Variants in CPAMD8 observed in about 807,000 individuals in gnomAD.
The protein encoded by CPAMD8 is C3 and PZP-like alpha-2-macroglobulin domain-containing protein 8.
A neutral mutation model predicts 224.7 loss-of-function variants in CPAMD8; 146 were observed. The observed-to-expected ratio is 0.65, with a 90% CI of 0.57 to 0.75. The LOEUF (loss-of-function observed/expected upper bound fraction) is 0.75. Ranked by LOEUF, CPAMD8 falls within the 30% of genes least tolerant of loss-of-function variation. The pLI, the probability that CPAMD8 is intolerant of heterozygous loss-of-function variation, is 0.00. For synonymous variants in CPAMD8, 966 were observed against 1,044.6 expected (o/e 0.92, Z 1.45); for missense variants, 2,301 against 2,537.5 (o/e 0.91, Z 2.00).
Position 17,022,099 on chromosome 19 carries a change from C to T in CPAMD8, c.175G>A (p.Glu59Lys). 1 of 1,605,734 alleles carries T rather than the reference C, an allele frequency of 6.2e-7. No homozygotes were observed. Among genetic ancestry groups the T allele is most frequent in the Non-Finnish European group, 8.5e-7 (1 of 1,176,004 alleles). Residue 59 changes from glutamate (E) to lysine (K), a missense_variant, in exon 2 of 42, where the codon GAA becomes AAA. By Grantham distance (56) the Glu-to-Lys change is moderately conservative. Around this residue, in one of 4 missense-constraint regions of CPAMD8, gnomAD observed 283 missense variants for 340.6 expected, o/e 0.83. Coordinates refer to ENST00000443236, the MANE Select transcript of CPAMD8 (RefSeq NM_015692.5). Reference protein sequence around the residue: ...ISVTIFNSPREVTVQAQLVAQ... With the variant: ...ISVTIFNSPRKVTVQAQLVAQ... The stretch of plus-strand genomic sequence containing the variant: ...ACCAGCTGAGCCTGGACCGTGACTT[C>T]CCTTGGAGAGTTAAAGATGGTCACG...
At chr19:16,967,578 T>A (rs6512151) in intron 18 of CPAMD8, among the ~76,000 whole-genome samples, 152,099 of 152,112 alleles carry the variant, frequency 1, 76,043 homozygotes, top group Non-Finnish European at 1. Context: ...AGGCCAAGGC[T>A]GGCGGATCAT....
intron 41 of CPAMD8, 97 bp from the exon 42 acceptor site, chr19:16,893,436 GC>G: frequency 1.2e-6 from 1 of 857,334 alleles, no homozygotes; most frequent in Non-Finnish European, 1.7e-6. Context: ...CTTGTAGGGT[GC>G]CAGGGGTGGG....
chr19:17,016,886 G>GTTTTT (rs2056826520), intron 3 of CPAMD8, among the ~76,000 whole-genome samples: 1 of 151,668 alleles, frequency 6.6e-6, no homozygotes, highest in Non-Finnish European at 1.5e-5. Context: ...GAGTTCTAGG[G>GTTTTT]TCTTTTTTTT....
At chr19:16,957,750 T>C (rs1046966868) in intron 19 of CPAMD8, 103 bp downstream of exon 19, 1 of 1,020,258 alleles carries the variant, frequency 9.8e-7, no homozygotes, top group South Asian at 1.4e-5. Flanking sequence ...CTTGCTCAGA[T>C]GTTGGTATCA....
chr19:16,971,078 C>T (rs773122572), intron 17 of CPAMD8, 45 bp from the exon 18 acceptor site: 15 of 1,529,394 alleles, frequency 9.8e-6, no homozygotes, highest in Non-Finnish European at 1.3e-5. Context: ...GAAGTGGATG[C>T]TGACAGCCCC....
At chr19:16,987,769 G>A (rs2122863514) in intron 13 of CPAMD8, among the ~76,000 whole-genome samples, 1 of 152,200 alleles carries the variant, frequency 6.6e-6, no homozygotes, top group South Asian at 2.1e-4. Context: ...TCCTGCCTCA[G>A]CCTCTTGAGT....
Position 16,899,412 on chromosome 19 carries a change from C to T in CPAMD8, c.4848+63G>A, listed in dbSNP as rs1195533803. ...GCAGGGAGCCACACCAGGCAGTGACCGGTGCACCCTCACCAACATGCACAC... is the reference window on the plus strand; with the variant it reads ...GCAGGGAGCCACACCAGGCAGTGACTGGTGCACCCTCACCAACATGCACAC... On this transcript the variant is annotated intron_variant, in intron 37 of 41. Coordinates refer to ENST00000443236, the MANE Select transcript of CPAMD8 (RefSeq NM_015692.5). This position sits in a 1 kb window ranked among gnomAD's most constrained non-coding sequence, Gnocchi z 5.4. 1.0e-5 allele frequency: 8 copies of T among 800,122 alleles called. No homozygotes were observed. Among genetic ancestry groups the T allele is most frequent in the African/African-American group, 3.4e-5 (2 of 59,416 alleles). 49.6% of individuals were successfully genotyped at this position (800,122 alleles called of 1,614,324 possible). A position where few individuals can be genotyped will look rare whatever the true frequency, so the allele number is the denominator to read the frequency against.
In CPAMD8 at chr19:16,893,050, G is replaced by T; in HGVS notation, c.*58C>A. On this transcript the variant is annotated 3_prime_UTR_variant, in exon 42 of 42. Coordinates refer to ENST00000443236, the MANE Select transcript of CPAMD8 (RefSeq NM_015692.5). ...AACCACAGGCACAAGCTGGGTGTGTGGGTATGAATGGTCCCCAGGACCAAA... is the reference window on the plus strand; with the variant it reads ...AACCACAGGCACAAGCTGGGTGTGTTGGTATGAATGGTCCCCAGGACCAAA... 1 of 802,974 alleles carries T rather than the reference G, an allele frequency of 1.2e-6. No individual in the cohort carries two copies. Among genetic ancestry groups the T allele is most frequent in the Non-Finnish European group, 2.3e-6 (1 of 441,282 alleles). 49.7% of individuals were successfully genotyped at this position (802,974 alleles called of 1,614,324 possible).
chr19:17,002,405 G>C, intron 8 of CPAMD8, 55 bp from the exon 9 acceptor site: 1 of 1,287,600 alleles, frequency 7.8e-7, no homozygotes, highest in Non-Finnish European at 1.1e-6. Context: ...GGTGGCCTCA[G>C]GAGCCCTGAC....
intron 22 of CPAMD8, among the ~76,000 whole-genome samples, chr19:16,939,149 TTTTATTTATTTATTTATTTA>T (rs35025434): frequency 2.4e-4 from 35 of 146,894 alleles, no homozygotes; most frequent in South Asian, 4.4e-4. Flanking sequence ...GGATGGTCAA[TTTTATTTATTTATTTATTTA>T]TTTATTTATT....
At position 17,008,407 on chromosome 19, in the gene CPAMD8, G is replaced by T; in HGVS notation, c.559+98C>A. ...GGTCCCCTCCAGCTGGAGCAGCAGTGGGGGTACATTAGCGGTGGGCCCTGG... is the reference window on the plus strand; with the variant it reads ...GGTCCCCTCCAGCTGGAGCAGCAGTTGGGGTACATTAGCGGTGGGCCCTGG... On this transcript the variant is annotated intron_variant, in intron 7 of 41. Coordinates refer to ENST00000443236, the MANE Select transcript of CPAMD8 (RefSeq NM_015692.5). The T allele has an allele frequency of 2.1e-6, 3 of 1,410,442 alleles. No individual in the cohort carries two copies. The Admixed American group carries it at 5.9e-5, about 28-fold the overall frequency. 87.4% of individuals were successfully genotyped at this position (1,410,442 alleles called of 1,614,324 possible).
intron 13 of CPAMD8, among the ~76,000 whole-genome samples, chr19:16,986,052 C>T (rs2055708480): frequency 6.6e-6 from 1 of 152,066 alleles, no homozygotes; most frequent in South Asian, 2.1e-4. Flanking sequence ...TTCTCCTCTT[C>T]TTTACTAAAT....
intron 12 of CPAMD8, among the ~76,000 whole-genome samples, chr19:16,991,433 G>A (rs527935002): frequency 1.3e-4 from 20 of 152,196 alleles, no homozygotes; most frequent in Admixed American, 1.0e-3. Flanking sequence ...CACCTGTGAA[G>A]TGTGGCCCAG....
chr19:16,980,216 C>T (rs1395432947), intron 14 of CPAMD8, among the ~76,000 whole-genome samples: 1 of 152,166 alleles, frequency 6.6e-6, no homozygotes, highest in Non-Finnish European at 1.5e-5. Context: ...GAGGCAACAG[C>T]ACAATGTGGG....
intron 20 of CPAMD8, among the ~76,000 whole-genome samples, chr19:16,951,355 G>A (rs2054291183): frequency 6.6e-6 from 1 of 151,932 alleles, no homozygotes; most frequent in Non-Finnish European, 1.5e-5. Context: ...TTTTCAAATG[G>A]TTAGGAGGAA....
At chr19:16,988,707 C>CTACAGT (rs2055832744) in intron 13 of CPAMD8, among the ~76,000 whole-genome samples, 4 of 152,130 alleles carry the variant, frequency 2.6e-5, no homozygotes, top group Admixed American at 6.5e-5. Context: ...TAAGGGATCC[C>CTACAGT]TGTGTCAGCT....
chr19:16,940,481 C>CG (rs201278852), intron 22 of CPAMD8, among the ~76,000 whole-genome samples: 2,399 of 152,194 alleles, frequency 0.016, 56 homozygotes, highest in African/African-American at 0.052. Flanking sequence ...TAAAGACCCC[C>CG]AACTTCACCT....
At position 16,929,113 on chromosome 19, in the gene CPAMD8, G is replaced by C. The variant is rs767608583; in HGVS notation, c.2973C>G (p.Pro991=). The change falls in exon 24 of 42, where the codon CCC becomes CCG. Residue 991 remains proline (P), a synonymous_variant. Coordinates refer to ENST00000443236, the MANE Select transcript of CPAMD8 (RefSeq NM_015692.5). The part of the protein sequence containing the change: ...NDARVALSSG[P]QDTAGMIEIV... ...TCTCGATCATGCCTGCTGTGTCCTG[G>C]GGCCCAGAAGACAAGGCCACACGGG... is the stretch of plus-strand genomic sequence containing the variant. 1 of 1,613,952 alleles carries C rather than the reference G, an allele frequency of 6.2e-7. No homozygotes were observed. Among genetic ancestry groups the C allele is most frequent in the Admixed American group, 1.7e-5 (1 of 59,996 alleles).
chr19:16,929,372 T>C, intron 23 of CPAMD8, 132 bp from the exon 24 acceptor site: 1 of 698,206 alleles, frequency 1.4e-6, no homozygotes, highest in Non-Finnish European at 2.4e-6. Context: ...CATGGTGGAA[T>C]GGTGTTGGCC....
Sources: allele counts gnomAD v4.1 joint callset (sites outside exome capture counted in the v4.1 genomes callset), GRCh38; gene constraint gnomAD v4.1.1; regional missense constraint gnomAD v4.1.1; non-coding constraint Gnocchi (gnomAD v3.1); transcripts MANE v1.5; gene names NCBI Gene and HGNC (gene_info 2026-07-23, HGNC 2026-07-21).